The following CREB5 variants were observed in gnomAD, a reference collection of about 807,000 sequenced individuals.
CREB5 encodes the protein cyclic AMP-responsive element-binding protein 5.
A neutral mutation model predicts 57.1 loss-of-function variants in CREB5; 19 were observed. That is an observed-to-expected ratio of 0.33 (90% CI 0.23 to 0.49). The LOEUF (loss-of-function observed/expected upper bound fraction) is 0.49, where lower values mean the gene tolerates loss of function less well. Among genes scored for constraint, CREB5 ranks in the 20% least tolerant of loss-of-function variants. CREB5 has a pLI of 0.99. For missense variants in CREB5, 579 were observed against 671.6 expected, an observed-to-expected ratio of 0.86 and a Z score of 1.52; for synonymous variants, 238 against 238.3, an observed-to-expected ratio of 1.00 and a Z score of 0.01.
intron 1 of CREB5, among the ~76,000 whole-genome samples, chr7:28,393,596 C>T (rs1002909419): frequency 2.0e-5 from 3 of 152,322 alleles, no homozygotes; most frequent in South Asian, 2.1e-4. Flanking sequence ...ATCTTCTTAA[C>T]TGAAGCTCAA....
At chr7:28,589,699 T>C (rs1796428352) in intron 5 of CREB5, among the ~76,000 whole-genome samples, 1 of 152,244 alleles carries the variant, frequency 6.6e-6, no homozygotes, top group Admixed American at 6.5e-5. Context: ...TTCTAGAGTC[T>C]CTTATTATTG....
chr7:28,810,254 C>A (rs1487763379), intron 9 of CREB5, among the ~76,000 whole-genome samples: 3 of 151,032 alleles, frequency 2.0e-5, no homozygotes, highest in African/African-American at 7.3e-5. Context: ...AGTAAATAGA[C>A]ATGTATGCAA....
At chr7:28,564,454 G>T (rs974294371) in intron 4 of CREB5, among the ~76,000 whole-genome samples, 5 of 152,176 alleles carry the variant, frequency 3.3e-5, no homozygotes, top group African/African-American at 1.2e-4. Flanking sequence ...ATGTGCATCA[G>T]ATTGTTTTTT....
At chr7:28,815,611 C>G in intron 9 of CREB5, among the ~76,000 whole-genome samples, 1 of 152,152 alleles carries the variant, frequency 6.6e-6, no homozygotes, top group Non-Finnish European at 1.5e-5. Context: ...AGGCAGTTAG[C>G]TCTTTGCTAA....
chr7:28,361,365 C>A (rs1786476427), intron 1 of CREB5, among the ~76,000 whole-genome samples: 1 of 152,152 alleles, frequency 6.6e-6, no homozygotes, highest in South Asian at 2.1e-4. Flanking sequence ...GCTGCCTACA[C>A]ACCAGTTTTC....
intron 4 of CREB5, among the ~76,000 whole-genome samples, chr7:28,563,347 C>T (rs77390405): frequency 0.027 from 4,169 of 152,200 alleles, 204 homozygotes; most frequent in African/African-American, 0.096. Context: ...ATGATTATCT[C>T]CATTTTAAAG....
chr7:28,700,976 A>G (rs964094500), intron 5 of CREB5, among the ~76,000 whole-genome samples: 70 of 146,862 alleles, frequency 4.8e-4, no homozygotes, highest in Non-Finnish European at 8.4e-4. Context: ...AAAAAAAAAA[A>G]CAACCCACCA....
At chr7:28,672,528 C>T (rs898165759) in intron 5 of CREB5, among the ~76,000 whole-genome samples, 4 of 152,104 alleles carry the variant, frequency 2.6e-5, no homozygotes, top group Non-Finnish European at 5.9e-5. Context: ...ATAAAATAGG[C>T]TCTGATAAAC....
intron 1 of CREB5, among the ~76,000 whole-genome samples, chr7:28,366,200 G>C (rs1282425603): frequency 3.3e-5 from 5 of 152,196 alleles, no homozygotes; most frequent in Non-Finnish European, 7.4e-5. Flanking sequence ...TATATAAATT[G>C]AAGTTAGAAC....
At chr7:28,799,062 C>G (rs1448782815) in intron 7 of CREB5, among the ~76,000 whole-genome samples, 2 of 152,182 alleles carry the variant, frequency 1.3e-5, no homozygotes, top group Non-Finnish European at 2.9e-5. Flanking sequence ...TTGTTGGCAC[C>G]AGGATCCAGG....
At chr7:28,367,909 C>T (rs1227248248) in intron 1 of CREB5, among the ~76,000 whole-genome samples, 1 of 152,176 alleles carries the variant, frequency 6.6e-6, no homozygotes, top group African/African-American at 2.4e-5. Context: ...TTCCCTGCTC[C>T]CTCCCTAGAC....
chr7:28,325,347 C>T (rs1051898312), intron 1 of CREB5, among the ~76,000 whole-genome samples: 13 of 151,494 alleles, frequency 8.6e-5, no homozygotes, highest in Admixed American at 4.6e-4. Flanking sequence ...CCCAGCTACT[C>T]GGGAGGCTGA....
rs577981425 is a variant in CREB5 at position 28,556,446 on chromosome 7, C to T, written c.292-13919C>T. Reference sequence around the variant, plus strand: ...ACCATGGGATGGGTGCGTCTTAGCTCTGCCGTCTATTGTTTTTTTCAGCCC... The same window carrying T: ...ACCATGGGATGGGTGCGTCTTAGCTTTGCCGTCTATTGTTTTTTTCAGCCC... On this transcript the variant is annotated intron_variant, in intron 4 of 10. Transcript: ENST00000357727. Among the ~76,000 whole-genome samples, 9 of 152,202 alleles carry T rather than the reference C, an allele frequency of 5.9e-5. No individual in the cohort carries two copies. The South Asian group carries it at 1.7e-3, about 28-fold the overall frequency.
intron 7 of CREB5, among the ~76,000 whole-genome samples, chr7:28,789,427 C>T (rs1807533237): frequency 1.3e-5 from 2 of 152,190 alleles, no homozygotes; most frequent in Admixed American, 1.3e-4. Context: ...TCCCCATCCT[C>T]ACTGGGGATG....
At chr7:28,342,861 T>C (rs949558778) in intron 1 of CREB5, among the ~76,000 whole-genome samples, 3 of 152,246 alleles carry the variant, frequency 2.0e-5, no homozygotes, top group Non-Finnish European at 2.9e-5. Context: ...TCAGGGTAGT[T>C]AGCATGTCTT....
chr7:28,388,060 G>C (rs1239798114), intron 1 of CREB5, among the ~76,000 whole-genome samples: 1 of 152,140 alleles, frequency 6.6e-6, no homozygotes, highest in Non-Finnish European at 1.5e-5. Flanking sequence ...CTATTCAGCT[G>C]TATCTGGAGG....
At chr7:28,619,563 A>C (rs1341964250) in intron 5 of CREB5, among the ~76,000 whole-genome samples, 1 of 152,218 alleles carries the variant, frequency 6.6e-6, no homozygotes. Flanking sequence ...TGAGCTAGGC[A>C]TGGTGGCTCA....
chr7:28,618,795 G>A (rs1189788080), intron 5 of CREB5, among the ~76,000 whole-genome samples: 2 of 152,146 alleles, frequency 1.3e-5, no homozygotes, highest in Non-Finnish European at 2.9e-5. Context: ...AGTCAGGCTA[G>A]CAATCTGAAT....
intron 5 of CREB5, among the ~76,000 whole-genome samples, chr7:28,624,779 A>T (rs1444606151): frequency 3.9e-5 from 6 of 152,152 alleles, no homozygotes; most frequent in African/African-American, 1.4e-4. Context: ...CTTCCCTATA[A>T]AAGGAAAGGC....
Sources: allele counts gnomAD v4.1 joint callset (sites outside exome capture counted in the v4.1 genomes callset), GRCh38; gene constraint gnomAD v4.1.1; transcripts MANE v1.5; gene names NCBI Gene and HGNC (gene_info 2026-07-23, HGNC 2026-07-21).